SNRPN: variants seen among roughly 807,000 people sequenced by gnomAD.
The protein encoded by SNRPN is small nuclear ribonucleoprotein-associated protein N.
In SNRPN, 7 loss-of-function variants were observed where a neutral mutation model predicts 25.2. The observed-to-expected ratio is 0.28, with a 90% CI of 0.16 to 0.52. The LOEUF (loss-of-function observed/expected upper bound fraction) is 0.52, where lower values mean the gene tolerates loss of function less well. SNRPN is among the 20% of genes least tolerant of loss of function. SNRPN has a pLI of 0.96. For synonymous variants in SNRPN, 124 were observed against 110.6 expected (o/e 1.12, Z -0.76); for missense variants, 196 against 322.5 (o/e 0.61, Z 3.00).
intron 4 of SNRPN, chr15:24,974,747 CAG>C: frequency 1.6e-6 from 1 of 607,876 alleles, no homozygotes. Context: ...TTATTAGAAA[CAG>C]GGTTTCACTG....
intron 3 of SNRPN, among the ~76,000 whole-genome samples, chr15:24,941,431 C>T (rs1779024983): frequency 6.6e-6 from 1 of 152,188 alleles, no homozygotes; most frequent in Admixed American, 6.5e-5. Context: ...TTATGTATTT[C>T]CATTGTCCTC....
At chr15:24,913,217 G>C (rs1182695476) in intron 2 of SNRPN, among the ~76,000 whole-genome samples, 5 of 152,146 alleles carry the variant, frequency 3.3e-5, no homozygotes, top group Admixed American at 2.6e-4. Flanking sequence ...TGGGATTACA[G>C]ACGTGAGCCA....
chr15:24,973,815 G>A (rs2076753540), intron 3 of SNRPN, among the ~76,000 whole-genome samples: 1 of 152,124 alleles, frequency 6.6e-6, no homozygotes, highest in Admixed American at 6.6e-5. Flanking sequence ...GAAGTCTTAG[G>A]CAGGTTTATA....
Position 24,910,480 on chromosome 15 carries a change from A to T in SNRPN, c.-504-9531A>T, listed in dbSNP as rs147005745. ...ACAGAGTGAGATCCCATCTCAAAAA[A>T]AAATGCTAATTATTATTATTATTAT... On this transcript the variant is annotated intron_variant, in intron 2 of 11. Coordinates refer to the SNRPN transcript ENST00000400097. Among the ~76,000 whole-genome samples, 490 of 152,196 alleles carry T rather than the reference A, an allele frequency of 3.2e-3. 4 individuals are homozygous for T. The highest frequency in any genetic ancestry group is 0.011 in the African/African-American group (477 of 41,536).
chr15:24,831,499 C>A (rs1194437974), intron 2 of SNRPN, among the ~76,000 whole-genome samples: 1 of 151,818 alleles, frequency 6.6e-6, no homozygotes, highest in Non-Finnish European at 1.5e-5. Flanking sequence ...CACTTTACAT[C>A]CACTCTTTCT....
At chr15:24,968,951 T>TA (rs2076047084) in intron 3 of SNRPN, 1 of 152,152 alleles carries the variant, frequency 6.6e-6, no homozygotes, top group Non-Finnish European at 1.5e-5. Flanking sequence ...TTTTCTACTT[T>TA]AAGTTTTAGA....
chr15:24,897,322 C>T (rs1197642530), intron 2 of SNRPN, among the ~76,000 whole-genome samples: 3 of 152,110 alleles, frequency 2.0e-5, no homozygotes, highest in Admixed American at 2.0e-4. Flanking sequence ...TGTGGTGGCT[C>T]ACACCTGTAA....
intron 2 of SNRPN, among the ~76,000 whole-genome samples, chr15:24,837,730 ATT>A (rs147689924): frequency 7.2e-6 from 1 of 138,988 alleles, no homozygotes; most frequent in Non-Finnish European, 1.6e-5. Flanking sequence ...AACTCTTTAA[ATT>A]TTTTTTTTTT....
chr15:24,933,671 A>G (rs1341091318), intron 3 of SNRPN, among the ~76,000 whole-genome samples: 1 of 152,230 alleles, frequency 6.6e-6, no homozygotes, highest in African/African-American at 2.4e-5. Context: ...AACACATCAA[A>G]GGGATTGCCA....
At chr15:24,931,910 G>A (rs1441225911) in intron 3 of SNRPN, among the ~76,000 whole-genome samples, 1 of 150,878 alleles carries the variant, frequency 6.6e-6, no homozygotes, top group East Asian at 1.9e-4. Context: ...GGAATAGGAG[G>A]GAGTTGAGTT....
rs1341486806 is a variant in SNRPN, at chr15:24,943,795, C to T, written c.-390-18319C>T. On this transcript the variant is annotated intron_variant, in intron 3 of 11. Coordinates refer to the SNRPN transcript ENST00000400097. Reference sequence around the variant, plus strand: ...AAGACATTACTGTCTGCTACTGACACTTCAAGCATTATTGGTTCTTTTTTT... The same window carrying T: ...AAGACATTACTGTCTGCTACTGACATTTCAAGCATTATTGGTTCTTTTTTT... Among the ~76,000 whole-genome samples the T allele has an allele frequency of 2.0e-5, 3 of 152,086 alleles. No individual in the cohort carries two copies. The East Asian group carries it at 5.8e-4, about 29-fold the overall frequency.
At chr15:24,861,887 A>T (rs1043515797) in intron 1 of SNRPN, among the ~76,000 whole-genome samples, 1 of 144,070 alleles carries the variant, frequency 6.9e-6, no homozygotes, top group South Asian at 2.1e-4. Flanking sequence ...AATTGTGCTT[A>T]TGATAGTTCT....
chr15:24,916,126 A>G (rs2059504609), intron 2 of SNRPN, among the ~76,000 whole-genome samples: 1 of 151,852 alleles, frequency 6.6e-6, no homozygotes, highest in Non-Finnish European at 1.5e-5. Context: ...AAGCCTGGCT[A>G]ACTTTTGTAT....
chr15:24,917,792 A>T (rs2059626537), intron 2 of SNRPN, among the ~76,000 whole-genome samples: 2 of 152,342 alleles, frequency 1.3e-5, no homozygotes, highest in South Asian at 4.1e-4. Context: ...TTAGTTTTTT[A>T]AAAACCATAA....
chr15:24,974,464 G>A lies in SNRPN; in HGVS notation c.3+8G>A. ...GGTGGAACAGCAATCATGGTAAGCT[G>A]TATGATAAGGCTGAGGGTTGAAATG... On this transcript the variant is annotated splice_region_variant and intron_variant, in intron 4 of 9. Coordinates refer to ENST00000390687, the MANE Select transcript of SNRPN (RefSeq NM_003097.6). 6.2e-7 allele frequency: 1 copy of A among 1,613,656 alleles called. No individual in the cohort carries two copies. Among genetic ancestry groups the A allele is most frequent in the Non-Finnish European group, 8.5e-7 (1 of 1,179,628 alleles).
At chr15:24,962,601 G>T (rs903835813) in intron 2 of SNRPN, among the ~76,000 whole-genome samples, 2 of 151,930 alleles carry the variant, frequency 1.3e-5, no homozygotes, top group Non-Finnish European at 2.9e-5. Flanking sequence ...TTTGTTTTTG[G>T]TTAGTGCATT....
intron 4 of SNRPN, 95 bp downstream of exon 4, chr15:24,974,551 T>C (rs2076842963): frequency 8.7e-7 from 1 of 1,150,214 alleles, no homozygotes; most frequent in African/African-American, 1.5e-5. Context: ...TTCTGAATGT[T>C]AGAAATAAGG....
intron 2 of SNRPN, 51 bp from the exon 3 acceptor site, chr15:24,967,881 A>G (rs368204113): frequency 6.2e-5 from 93 of 1,503,402 alleles, no homozygotes; most frequent in South Asian, 9.0e-5. Flanking sequence ...ATGGTTTCCT[A>G]TAAAGACAAA....
intron 3 of SNRPN, among the ~76,000 whole-genome samples, chr15:24,926,914 G>A (rs2060423393): frequency 6.6e-6 from 1 of 152,030 alleles, no homozygotes. Flanking sequence ...AGGAGGCTGA[G>A]GCAGGAGGAT....
Sources: allele counts gnomAD v4.1 joint callset (sites outside exome capture counted in the v4.1 genomes callset), GRCh38; gene constraint gnomAD v4.1.1; transcripts MANE v1.5; gene names NCBI Gene and HGNC (gene_info 2026-07-23, HGNC 2026-07-21).